The following CADM3 variants were observed in gnomAD, a reference collection of about 807,000 sequenced individuals.
The protein encoded by CADM3 is TSLC1-like 1.
In CADM3, 11 loss-of-function variants were observed where a neutral mutation model predicts 44.9. The observed-to-expected ratio is 0.25, with a 90% CI of 0.15 to 0.41. The LOEUF is 0.41. CADM3 is among the 10% of genes least tolerant of loss of function. The probability of loss-of-function intolerance (pLI) is 1.00; values close to 1 mark genes in which losing one functional copy is unlikely to be tolerated. For synonymous variants in CADM3, 207 were observed against 205.2 expected (o/e 1.01, Z -0.08); for missense variants, 426 against 512.0 (o/e 0.83, Z 1.62).
chr1:159,199,249 T>A (rs534710012), intron 7 of CADM3, among the ~76,000 whole-genome samples: 1 of 146,596 alleles, frequency 6.8e-6, no homozygotes, highest in South Asian at 2.2e-4. Context: ...GACAGGAGGG[T>A]AAGAGGGAAT....
chr1:159,187,525 T>C (rs1649465103), intron 1 of CADM3, among the ~76,000 whole-genome samples: 1 of 152,182 alleles, frequency 6.6e-6, no homozygotes, highest in South Asian at 2.1e-4. Context: ...TTGAGTTTGT[T>C]TTGAGATTAA....
In CADM3 at chr1:159,197,021, A is replaced by G. The variant is rs750197937; in HGVS notation, c.913A>G (p.Met305Val). The G allele has an allele frequency of 4.3e-6, 7 of 1,614,026 alleles. No individual in the cohort carries two copies. In the African/African-American group the frequency reaches 9.3e-5, roughly 22 times the overall value. Residue 305 changes from methionine to valine, a missense_variant, in exon 7 of 9, where the codon ATG becomes GTG. By Grantham distance (21) the Met-to-Val change is conservative (BLOSUM62 1). Around this residue, in one of 2 missense-constraint regions of CADM3, gnomAD observed 362 missense variants for 474.6 expected, o/e 0.76. Transcript: ENST00000368125. ...GTYGCTATSNMGSYKAYYTLN... is the reference protein window; with the variant it reads ...GTYGCTATSNVGSYKAYYTLN... ...CTACGGCTGCACAGCCACCAGCAAC[A>G]TGGGCAGCTACAAGGCCTACTACAC... is the stretch of plus-strand genomic sequence containing the variant.
chr1:159,182,287 T>G (rs910403366), intron 1 of CADM3, among the ~76,000 whole-genome samples: 7 of 152,170 alleles, frequency 4.6e-5, no homozygotes, highest in Non-Finnish European at 1.0e-4. Context: ...TACTGGGCAT[T>G]TAGTAGACTT....
rs771084012 is a variant in CADM3, at chr1:159,193,485, A to C, written c.445A>C (p.Thr149Pro). The change falls in exon 4 of 9, where the codon ACC (threonine) becomes CCC (proline). Residue 149 changes from threonine to proline, a missense_variant. Around this residue, in one of 2 missense-constraint regions of CADM3, gnomAD observed 362 missense variants for 474.6 expected, o/e 0.76. Coordinates refer to ENST00000368125, the MANE Select transcript of CADM3 (RefSeq NM_001127173.3). ...KSSLREKDTATLNCQSSGSKP... is the reference protein window; with the variant it reads ...KSSLREKDTAPLNCQSSGSKP... ...TTCATTACGGGAAAAAGACACAGCC[A>C]CCCTAAACTGTCAGTCTTCTGGGAG... 6.2e-7 allele frequency: 1 copy of C among 1,613,420 alleles called. No individual in the cohort carries two copies. Among genetic ancestry groups the C allele is most frequent in the African/African-American group, 1.3e-5 (1 of 74,848 alleles).
Position 159,200,851 on chromosome 1 carries a change from G to A in CADM3, c.1126G>A (p.Ala376Thr), listed in dbSNP as rs753093156. ...EAKGSDDAPD[A>T]DTAIINAEGG... ...AAAAGGCTCCGACGATGCTCCAGAC[G>A]CGGACACGGCCATCATCAATGCAGA... is the stretch of plus-strand genomic sequence containing the variant. The change falls in exon 9 of 9, where the codon GCG becomes ACG. Residue 376 changes from alanine to threonine, a missense_variant. Transcript: ENST00000368125. The A allele has an allele frequency of 5.6e-6, 9 of 1,611,200 alleles. No homozygotes were observed. Among genetic ancestry groups the A allele is most frequent in the African/African-American group, 1.3e-5 (1 of 74,740 alleles).
chr1:159,176,318 C>T (rs1649014767), intron 1 of CADM3, among the ~76,000 whole-genome samples: 1 of 151,982 alleles, frequency 6.6e-6, no homozygotes, highest in African/African-American at 2.4e-5. Context: ...GACTATAGGC[C>T]CATGTACTAG....
chr1:159,197,196 G>A, intron 7 of CADM3, 136 bp downstream of exon 7: 1 of 837,898 alleles, frequency 1.2e-6, no homozygotes, highest in Non-Finnish European at 1.9e-6. Context: ...CACCACTGGG[G>A]TCCCTGAGGG....
intron 1 of CADM3, among the ~76,000 whole-genome samples, chr1:159,176,804 C>A (rs1193164265): frequency 1.3e-5 from 2 of 152,188 alleles, no homozygotes; most frequent in Non-Finnish European, 2.9e-5. Context: ...ATATTCTTCA[C>A]TGAAGCAGCA....
intron 1 of CADM3, among the ~76,000 whole-genome samples, chr1:159,187,496 C>A (rs548847019): frequency 6.6e-6 from 1 of 152,210 alleles, no homozygotes; most frequent in Non-Finnish European, 1.5e-5. Flanking sequence ...AAAAGCAGTT[C>A]TATCTGGCTG....
At chr1:159,187,957 C>G (rs1340650195) in intron 1 of CADM3, among the ~76,000 whole-genome samples, 1 of 151,922 alleles carries the variant, frequency 6.6e-6, no homozygotes. Flanking sequence ...GCTTGCCTCT[C>G]TTTTATCGAC....
chr1:159,188,214 GC>G (rs2102114567), intron 1 of CADM3, among the ~76,000 whole-genome samples: 1 of 151,880 alleles, frequency 6.6e-6, no homozygotes, highest in East Asian at 2.0e-4. Context: ...CTCTAACGCT[GC>G]CTGCTTCCTG....
chr1:159,198,296 T>C (rs1649994561), intron 7 of CADM3: 1 of 152,212 alleles, frequency 6.6e-6, no homozygotes, highest in Non-Finnish European at 1.5e-5. Context: ...CGTTTGGCCA[T>C]GGAAACCTGT....
intron 1 of CADM3, among the ~76,000 whole-genome samples, chr1:159,185,253 C>T (rs528402562): frequency 2.0e-5 from 3 of 152,284 alleles, no homozygotes; most frequent in East Asian, 1.9e-4. Flanking sequence ...ACCACAGGAC[C>T]GTCAACACCA....
intron 1 of CADM3, among the ~76,000 whole-genome samples, chr1:159,185,413 T>C (rs138299077): frequency 5.0e-4 from 76 of 152,092 alleles, no homozygotes; most frequent in Middle Eastern, 3.4e-3. Flanking sequence ...ACACACAAAA[T>C]ACATGCTTCT....
chr1:159,202,197 A>G lies in CADM3; in HGVS notation c.*1275A>G, dbSNP rs2102146551. ...GGGCAAGTGGACAGGGCTGTGGGAC[A>G]TGTTGGGGAGGCTTTGGGAATGGGG... On this transcript the variant is annotated 3_prime_UTR_variant, in exon 9 of 9. Coordinates refer to ENST00000368125, the MANE Select transcript of CADM3 (RefSeq NM_001127173.3). The G allele has an allele frequency of 6.5e-6, 1 of 153,062 alleles. No individual in the cohort carries two copies. The highest frequency in any genetic ancestry group is 2.4e-5 in the African/African-American group (1 of 41,568). The allele number at this position is 153,062 out of a possible 1,614,324, so 9.5% of individuals were successfully genotyped here.
intron 5 of CADM3, 170 bp downstream of exon 5, chr1:159,194,210 G>T: frequency 1.6e-6 from 1 of 616,980 alleles, no homozygotes; most frequent in Non-Finnish European, 2.7e-6. Flanking sequence ...TTTACAGAGG[G>T]CCCAGTAATG....
In CADM3 at chr1:159,181,790, T is replaced by G. The variant is rs1649237022; in HGVS notation, c.88+9937T>G. The stretch of plus-strand genomic sequence containing the variant: ...CCAAGAACACTGACTCAATAGCAAA[T>G]CAAAGCAACAGCTGTCCCCACCTCC... On this transcript the variant is annotated intron_variant, in intron 1 of 8. Transcript: ENST00000368125. Among the ~76,000 whole-genome samples the G allele has an allele frequency of 2.0e-5, 3 of 152,156 alleles. No individual in the cohort carries two copies. In the South Asian group the frequency reaches 6.2e-4, roughly 32 times the overall value.
rs911721134 is a variant in CADM3 at position 159,201,507 on chromosome 1, C to G, written c.*585C>G. On this transcript the variant is annotated 3_prime_UTR_variant, in exon 9 of 9. Coordinates refer to ENST00000368125, the MANE Select transcript of CADM3 (RefSeq NM_001127173.3). ...GGAGGCAGGTGCCACCTTGACACCTCTCTTCCATAGCAATGGGAAAGTGAT... is the reference window on the plus strand; with the variant it reads ...GGAGGCAGGTGCCACCTTGACACCTGTCTTCCATAGCAATGGGAAAGTGAT... 7.2e-5 allele frequency: 11 copies of G among 152,394 alleles called. No individual in the cohort carries two copies. The highest frequency in any genetic ancestry group is 2.7e-4 in the African/African-American group (11 of 41,456). The allele number at this position is 152,394 out of a possible 1,614,324, so 9.4% of individuals were successfully genotyped here.
At chr1:159,184,850 A>G (rs916600999) in intron 1 of CADM3, among the ~76,000 whole-genome samples, 3 of 152,254 alleles carry the variant, frequency 2.0e-5, no homozygotes, top group Non-Finnish European at 2.9e-5. Context: ...CAGGTGCTTT[A>G]AAGAAGCACA....
Sources: allele counts gnomAD v4.1 joint callset (sites outside exome capture counted in the v4.1 genomes callset), GRCh38; gene constraint gnomAD v4.1.1; regional missense constraint gnomAD v4.1.1; transcripts MANE v1.5; gene names NCBI Gene and HGNC (gene_info 2026-07-23, HGNC 2026-07-21).